NEDD4: variants seen among roughly 807,000 people sequenced by gnomAD.
NEDD4 encodes NEDD4 E3 ubiquitin protein ligase, also known as E3 ubiquitin-protein ligase NEDD4.
A neutral mutation model predicts 144.9 loss-of-function variants in NEDD4; 99 were observed. The ratio of observed to expected loss-of-function variants is 0.68; its 90% confidence interval spans 0.58 to 0.81. The LOEUF is 0.81. Among genes scored for constraint, NEDD4 ranks in the 30% least tolerant of loss-of-function variants. NEDD4 has a pLI of 0.00. For synonymous variants in NEDD4, 318 were observed against 350.6 expected (o/e 0.91, Z 1.04); for missense variants, 985 against 1,065.9 (o/e 0.92, Z 1.06).
At chr15:55,884,356 T>C (rs574055222) in intron 5 of NEDD4, among the ~76,000 whole-genome samples, 5 of 152,270 alleles carry the variant, frequency 3.3e-5, no homozygotes, top group Admixed American at 3.3e-4. Context: ...GTGAAGACTA[T>C]AATAAATACC....
Position 55,840,476 on chromosome 15 carries a change from G to A in NEDD4, c.2002C>T (p.Pro668Ser). 1 of 1,613,914 alleles carries A rather than the reference G, an allele frequency of 6.2e-7. No homozygotes were observed. The highest frequency in any genetic ancestry group is 8.5e-7 in the Non-Finnish European group (1 of 1,179,954). Residue 668 changes from proline (P) to serine (S), a missense_variant, in exon 21 of 29, where the codon CCA (proline) becomes TCA (serine). Physicochemically the swap from Pro to Ser is moderately conservative, Grantham distance 74 (BLOSUM62 -1). Transcript: ENST00000435532. ...RPFYKMMLHKPITLHDMESVD... is the reference protein window; with the variant it reads ...RPFYKMMLHKSITLHDMESVD... The stretch of plus-strand genomic sequence containing the variant: ...GATTCCATATCATGAAGGGTTATTG[G>A]TTTGTGAAGCATCATCTTGTAAAAT...
chr15:55,982,850 G>A (rs758113655), intron 1 of NEDD4, among the ~76,000 whole-genome samples: 21 of 152,086 alleles, frequency 1.4e-4, no homozygotes, highest in Non-Finnish European at 2.8e-4. Flanking sequence ...GGCTGGGGGT[G>A]GTGGCTCACA....
intron 4 of NEDD4, among the ~76,000 whole-genome samples, chr15:55,949,176 T>C (rs2142295625): frequency 6.6e-6 from 1 of 152,292 alleles, no homozygotes; most frequent in African/African-American, 2.4e-5. Flanking sequence ...AAGCCATTTA[T>C]GCAGCCAAAA....
intron 4 of NEDD4, among the ~76,000 whole-genome samples, chr15:55,935,623 G>C (rs771877576): frequency 2.0e-5 from 3 of 151,930 alleles, no homozygotes; most frequent in African/African-American, 4.8e-5. Flanking sequence ...TGAGGCAGAC[G>C]GATCATGAGG....
chr15:55,953,401 G>A (rs922962803), intron 2 of NEDD4, among the ~76,000 whole-genome samples: 1 of 151,740 alleles, frequency 6.6e-6, no homozygotes, highest in Non-Finnish European at 1.5e-5. Flanking sequence ...TGAAACTCCA[G>A]CACCTGGCTC....
rs1438358653 is a variant in NEDD4 at position 55,860,562 on chromosome 15, T to A, written c.805A>T (p.Ile269Leu). ...TACATGGTGGCTTCATCTTCTCTTA[T>A]AATTTCCCAGTTCTAAAATGAACAG... ...NRESSENWEI[I>L]REDEATMYSN... Residue 269 changes from isoleucine (I) to leucine (L), a missense_variant, in exon 11 of 29, where the codon ATA becomes TTA. By Grantham distance (5) the Ile-to-Leu change is conservative (BLOSUM62 2). Transcript: ENST00000435532. 1.2e-6 allele frequency: 2 copies of A among 1,613,938 alleles called. No individual in the cohort carries two copies. The highest frequency in any genetic ancestry group is 1.3e-5 in the African/African-American group (1 of 74,926).
At chr15:55,960,062 T>G (rs960169309) in intron 2 of NEDD4, among the ~76,000 whole-genome samples, 3 of 152,244 alleles carry the variant, frequency 2.0e-5, no homozygotes, top group African/African-American at 7.2e-5. Context: ...CACAACTGCC[T>G]CCTGGTAACC....
intron 2 of NEDD4, among the ~76,000 whole-genome samples, chr15:55,963,491 C>A (rs2037459724): frequency 6.6e-6 from 1 of 152,058 alleles, no homozygotes; most frequent in African/African-American, 2.4e-5. Flanking sequence ...CATCATTAAT[C>A]TTTTATTCAA....
intron 8 of NEDD4, among the ~76,000 whole-genome samples, chr15:55,864,307 ACT>A (rs2034509676): frequency 6.6e-6 from 1 of 152,100 alleles, no homozygotes; most frequent in Non-Finnish European, 1.5e-5. Flanking sequence ...GGCTGGGAAG[ACT>A]CAGTCTCACA....
At chr15:55,849,791 ATT>A (rs1202773235) in intron 14 of NEDD4, among the ~76,000 whole-genome samples, 5 of 145,360 alleles carry the variant, frequency 3.4e-5, no homozygotes, top group Non-Finnish European at 4.6e-5. Flanking sequence ...ATTTTAAGTA[ATT>A]TTTTTTTTTT....
At chr15:55,975,162 G>A (rs2037679386) in intron 1 of NEDD4, among the ~76,000 whole-genome samples, 1 of 151,806 alleles carries the variant, frequency 6.6e-6, no homozygotes, top group Non-Finnish European at 1.5e-5. Flanking sequence ...CAAAGTGCTG[G>A]GATTACAGGC....
intron 13 of NEDD4, 83 bp from the exon 14 acceptor site, chr15:55,850,825 C>G: frequency 8.4e-7 from 1 of 1,193,498 alleles, no homozygotes; most frequent in Non-Finnish European, 1.2e-6. Flanking sequence ...ACTTAACCTG[C>G]AAATAGAATA....
chr15:55,839,448 C>T (rs10851598), intron 21 of NEDD4, among the ~76,000 whole-genome samples: 31,880 of 152,136 alleles, frequency 0.21, 3,548 homozygotes, highest in Non-Finnish European at 0.25. Context: ...ACTGTGCAAT[C>T]TTATGATTTA....
At chr15:55,840,804 T>TAAAC in intron 19 of NEDD4, 77 bp from the exon 20 acceptor site, 2 of 1,430,372 alleles carry the variant, frequency 1.4e-6, no homozygotes, top group Non-Finnish European at 1.9e-6. Flanking sequence ...ATCTTCCTCC[T>TAAAC]TTAAGAGTTG....
At chr15:55,897,021 C>T (rs1245600175) in intron 5 of NEDD4, among the ~76,000 whole-genome samples, 11 of 152,058 alleles carry the variant, frequency 7.2e-5, no homozygotes, top group South Asian at 2.1e-4. Context: ...TTGCCCAGAC[C>T]GGAGTGCAGT....
rs184978856 is a variant in NEDD4, at chr15:55,884,229, G to A, written c.292-10221C>T. Among the ~76,000 whole-genome samples, 7 of 152,266 alleles carry A rather than the reference G, an allele frequency of 4.6e-5. No homozygotes were observed. In the South Asian group the frequency reaches 8.3e-4, roughly 18 times the overall value. ...AAGAGCCACAGCATTACTGGGCTTG[G>A]AATGTCCCCTAACACACATATGGCT... is the stretch of plus-strand genomic sequence containing the variant. On this transcript the variant is annotated intron_variant, in intron 5 of 28. Transcript: ENST00000435532.
chr15:55,935,217 C>T (rs1385060766), intron 4 of NEDD4, among the ~76,000 whole-genome samples: 1 of 152,138 alleles, frequency 6.6e-6, no homozygotes, highest in Non-Finnish European at 1.5e-5. Flanking sequence ...AATGAATTAT[C>T]TATAACAACA....
At position 55,829,966 on chromosome 15, in the gene NEDD4, T is replaced by C; in HGVS notation, c.2634A>G (p.Ser878=). The C allele has an allele frequency of 6.2e-7, 1 of 1,613,620 alleles. No individual in the cohort carries two copies. Among genetic ancestry groups the C allele is most frequent in the Non-Finnish European group, 8.5e-7 (1 of 1,179,822 alleles). The change falls in exon 29 of 29, where the codon TCA becomes TCG. Residue 878 remains serine (S), a synonymous_variant. Coordinates refer to ENST00000435532, the MANE Select transcript of NEDD4 (RefSeq NM_006154.4). Reference sequence around the variant, plus strand: ...GAAGTTTATCCCATAATTCTTCAAATGATTCATAAGGTGGCAAGTCCAGGC... The same window carrying C: ...GAAGTTTATCCCATAATTCTTCAAACGATTCATAAGGTGGCAAGTCCAGGC... ...FNRLDLPPYE[S]FEELWDKLQM...
At position 55,830,370 on chromosome 15, in the gene NEDD4, T is replaced by C. The variant is rs182098944; in HGVS notation, c.2600+144A>G. ...AACTTGGTAACAAAACACCTGTTCG[T>C]TGGGTGTCACCAACTCCTTCTTACC... On this transcript the variant is annotated intron_variant, in intron 28 of 28. Transcript: ENST00000435532. 19 of 747,350 alleles carry C rather than the reference T, an allele frequency of 2.5e-5. No individual in the cohort carries two copies. The African/African-American group carries it at 3.3e-4, about 13-fold the overall frequency. 46.3% of individuals were successfully genotyped at this position (747,350 alleles called of 1,614,324 possible).
Sources: gnomAD v4.1 joint callset for allele counts (sites outside exome capture counted in the v4.1 genomes callset) on GRCh38, gnomAD v4.1.1 for gene constraint, MANE v1.5 for transcripts, NCBI Gene and HGNC (gene_info 2026-07-23, HGNC 2026-07-21) for gene names.